Variants in DLG2 observed in about 807,000 individuals in gnomAD.
DLG2 encodes the protein discs large MAGUK scaffold protein 2.
Under a neutral mutation model 132.5 loss-of-function variants are expected in DLG2, and 45 were observed. The ratio of observed to expected loss-of-function variants is 0.34; its 90% CI spans 0.27 to 0.44. The LOEUF is 0.44. DLG2 is among the 20% of genes least tolerant of loss of function. DLG2 has a pLI of 1.00. For synonymous variants in DLG2, 424 were observed against 419.6 expected (o/e 1.01, Z -0.13); for missense variants, 1,045 against 1,196.9 (o/e 0.87, Z 1.87).
At chr11:84,238,060 A>G (rs1052515258) in intron 8 of DLG2, among the ~76,000 whole-genome samples, 2 of 151,110 alleles carry the variant, frequency 1.3e-5, no homozygotes, top group African/African-American at 2.4e-5. Context: ...AAAAAAAAAA[A>G]AAAAGAAAGA....
intron 3 of DLG2, among the ~76,000 whole-genome samples, chr11:85,401,914 C>T (rs182366043): frequency 5.9e-5 from 9 of 152,140 alleles, no homozygotes; most frequent in Admixed American, 2.6e-4. Context: ...GGCCATACTG[C>T]CCAAGGTAAT....
rs147035351 is a variant in DLG2, at chr11:85,560,548, G to T, written c.40+38109C>A. On this transcript the variant is annotated intron_variant, in intron 3 of 27. Coordinates refer to ENST00000376104, the MANE Select transcript of DLG2 (RefSeq NM_001142699.3). ...CAGAAAGGGCAAATTTATACAAACAGAAAGTAAATCAGTTGTGGGCTGGGG... is the reference window on the plus strand; with the variant it reads ...CAGAAAGGGCAAATTTATACAAACATAAAGTAAATCAGTTGTGGGCTGGGG... 5.3e-5 allele frequency among the ~76,000 whole-genome samples: 8 copies of T among 151,828 alleles called. No individual in the cohort carries two copies. In the East Asian group the frequency reaches 1.4e-3, roughly 26 times the overall value.
chr11:84,656,173 A>G (rs1232941087), intron 6 of DLG2, among the ~76,000 whole-genome samples: 2 of 152,194 alleles, frequency 1.3e-5, no homozygotes, highest in Non-Finnish European at 2.9e-5. Flanking sequence ...CATGGCATGC[A>G]TCGACAGGTT....
chr11:83,756,396 G>C (rs981615377), intron 18 of DLG2, among the ~76,000 whole-genome samples: 1 of 151,364 alleles, frequency 6.6e-6, no homozygotes, highest in Non-Finnish European at 1.5e-5. Flanking sequence ...TGCTTTAAAA[G>C]ACTGAGATAT....
chr11:83,842,348 C>T (rs1388227798), intron 16 of DLG2, among the ~76,000 whole-genome samples: 1 of 152,130 alleles, frequency 6.6e-6, no homozygotes, highest in Non-Finnish European at 1.5e-5. Context: ...GTAATCCCAG[C>T]ACTCTGGGAG....
At chr11:84,580,823 G>A (rs2099514612) in intron 6 of DLG2, among the ~76,000 whole-genome samples, 2 of 152,198 alleles carry the variant, frequency 1.3e-5, no homozygotes, top group Non-Finnish European at 2.9e-5. Flanking sequence ...TAAGGGGTCA[G>A]ACGCTTCTTT....
intron 6 of DLG2, among the ~76,000 whole-genome samples, chr11:84,537,729 A>G (rs2099358932): frequency 6.6e-6 from 1 of 152,194 alleles, no homozygotes; most frequent in Non-Finnish European, 1.5e-5. Context: ...CTGGGACCAC[A>G]TTGGTATTGT....
At chr11:83,895,675 A>G (rs2071436240) in intron 15 of DLG2, among the ~76,000 whole-genome samples, 1 of 152,164 alleles carries the variant, frequency 6.6e-6, no homozygotes. Flanking sequence ...TTCTTTACCC[A>G]GCCTGCTGCT....
intron 18 of DLG2, among the ~76,000 whole-genome samples, chr11:83,745,098 G>T (rs1015108253): frequency 6.6e-6 from 1 of 152,138 alleles, no homozygotes; most frequent in African/African-American, 2.4e-5. Flanking sequence ...CTCATGATTG[G>T]TTCCCATGCA....
intron 6 of DLG2, among the ~76,000 whole-genome samples, chr11:84,839,906 A>T (rs879392757): frequency 6.6e-6 from 1 of 152,248 alleles, no homozygotes; most frequent in Non-Finnish European, 1.5e-5. Flanking sequence ...AACCTAGGCA[A>T]TACCATTCAG....
chr11:83,951,517 T>C (rs1169018147), intron 14 of DLG2, among the ~76,000 whole-genome samples: 1 of 152,158 alleles, frequency 6.6e-6, no homozygotes, highest in Non-Finnish European at 1.5e-5. Flanking sequence ...TCTGATAAAA[T>C]GGCTTTTGAC....
chr11:84,293,999 A>G (rs1004018278), intron 7 of DLG2, among the ~76,000 whole-genome samples: 1 of 152,326 alleles, frequency 6.6e-6, no homozygotes, highest in South Asian at 2.1e-4. Context: ...CCAGAAAAAG[A>G]GTCTGCATGT....
At chr11:84,496,995 G>T (rs1431654957) in intron 7 of DLG2, among the ~76,000 whole-genome samples, 6 of 152,088 alleles carry the variant, frequency 3.9e-5, no homozygotes, top group Non-Finnish European at 8.8e-5. Flanking sequence ...CAGGAATTTA[G>T]GTTTGCCTTT....
At chr11:85,216,100 G>A (rs951003343) in intron 4 of DLG2, among the ~76,000 whole-genome samples, 1 of 151,576 alleles carries the variant, frequency 6.6e-6, no homozygotes, top group African/African-American at 2.4e-5. Flanking sequence ...GAGGATCCCT[G>A]AATGCAGGAG....
At chr11:84,788,306 T>C (rs966197412) in intron 6 of DLG2, among the ~76,000 whole-genome samples, 15 of 152,018 alleles carry the variant, frequency 9.9e-5, no homozygotes, top group African/African-American at 3.4e-4. Flanking sequence ...CCTATGTAAG[T>C]ACTACGACCT....
rs1594049476 is a variant in DLG2 at position 83,770,274 on chromosome 11, C to CTTTTTTTTTTTTTTTTTTTTTT, written c.1825+16415_1825+16416insAAAAAAAAAAAAAAAAAAAAAA. Among the ~76,000 whole-genome samples the CTTTTTTTTTTTTTTTTTTTTTT allele has an allele frequency of 1.4e-4, 15 of 108,602 alleles. 1 individual carries two copies. Among genetic ancestry groups the CTTTTTTTTTTTTTTTTTTTTTT allele is most frequent in the African/African-American group, 3.5e-4 (8 of 23,166 alleles). 71.2% of individuals were successfully genotyped at this position (108,602 alleles called of 152,430 possible). ...TCTGGTGTTTTTTTTTGTTTTTTTGCTTTTTGTACAAAGATTAGTTTCAAT... is the reference window on the plus strand; with the variant it reads ...TCTGGTGTTTTTTTTTGTTTTTTTGCTTTTTTTTTTTTTTTTTTTTTTTTTTTGTACAAAGATTAGTTTCAAT... On this transcript the variant is annotated intron_variant, in intron 18 of 27. Coordinates refer to ENST00000376104, the MANE Select transcript of DLG2 (RefSeq NM_001142699.3).
At chr11:84,249,297 C>T (rs1011874795) in intron 8 of DLG2, among the ~76,000 whole-genome samples, 2 of 152,182 alleles carry the variant, frequency 1.3e-5, no homozygotes, top group Non-Finnish European at 2.9e-5. Flanking sequence ...TATATTGAAG[C>T]TTCTGTGACA....
At chr11:84,334,979 C>G (rs923471398) in intron 7 of DLG2, among the ~76,000 whole-genome samples, 2 of 151,828 alleles carry the variant, frequency 1.3e-5, no homozygotes, top group African/African-American at 4.8e-5. Context: ...GTAATATATA[C>G]AGCTCTACAG....
intron 19 of DLG2, among the ~76,000 whole-genome samples, chr11:83,586,364 TG>T (rs2097086578): frequency 6.6e-6 from 1 of 152,220 alleles, no homozygotes; most frequent in Non-Finnish European, 1.5e-5. Flanking sequence ...CAGACAGATG[TG>T]GGATAAATTC....
Sources: allele counts gnomAD v4.1 joint callset (sites outside exome capture counted in the v4.1 genomes callset), GRCh38; gene constraint gnomAD v4.1.1; transcripts MANE v1.5; gene names NCBI Gene and HGNC (gene_info 2026-07-23, HGNC 2026-07-21).